Variants in CDH12 observed in about 807,000 individuals in gnomAD.
The protein encoded by CDH12 is cadherin-12.
A neutral mutation model predicts 74.1 loss-of-function variants in CDH12; 41 were observed. The ratio of observed to expected loss-of-function variants is 0.55; its 90% confidence interval spans 0.43 to 0.72. CDH12 has a LOEUF of 0.72. CDH12 is among the 30% of genes least tolerant of loss of function. The probability of loss-of-function intolerance (pLI) is 0.00; values close to 1 mark genes in which losing one functional copy is unlikely to be tolerated. For missense variants in CDH12, 945 were observed against 977.2 expected (o/e 0.97, Z 0.44); for synonymous variants, 399 against 355.0 (o/e 1.12, Z -1.39).
chr5:22,058,053 TTTTATTTA>T (rs560195415), intron 5 of CDH12, among the ~76,000 whole-genome samples: 2 of 150,350 alleles, frequency 1.3e-5, no homozygotes, highest in East Asian at 2.0e-4. Flanking sequence ...ATCATCTATC[TTTTATTTA>T]TTTATTTATT....
At chr5:22,801,326 A>G (rs1470415526) in intron 1 of CDH12, among the ~76,000 whole-genome samples, 2 of 152,086 alleles carry the variant, frequency 1.3e-5, no homozygotes, top group Admixed American at 6.6e-5. Flanking sequence ...CTGCAAGCCA[A>G]AGGTGTTACT....
intron 5 of CDH12, among the ~76,000 whole-genome samples, chr5:22,042,889 CAAAAAAAAA>C (rs1171549252): frequency 1.8e-5 from 1 of 56,066 alleles, no homozygotes; most frequent in Non-Finnish European, 4.2e-5. Context: ...GATTCTATCT[CAAAAAAAAA>C]AAAAAAAAAA....
chr5:22,825,842 A>T (rs1476134230), intron 1 of CDH12, among the ~76,000 whole-genome samples: 3 of 152,212 alleles, frequency 2.0e-5, no homozygotes, highest in Non-Finnish European at 2.9e-5. Context: ...AAAGGGCAGA[A>T]GGGAGAAATT....
chr5:22,084,997 C>T (rs1742971772), intron 4 of CDH12, among the ~76,000 whole-genome samples: 1 of 152,098 alleles, frequency 6.6e-6, no homozygotes, highest in Admixed American at 6.6e-5. Context: ...GACAGATTTG[C>T]TACAAAGGAC....
At chr5:22,574,073 CTT>C (rs543910610) in intron 1 of CDH12, among the ~76,000 whole-genome samples, 19 of 87,456 alleles carry the variant, frequency 2.2e-4, no homozygotes, top group African/African-American at 6.4e-4. Flanking sequence ...GTCTCTCTCT[CTT>C]TTTTTTTTTT....
intron 4 of CDH12, among the ~76,000 whole-genome samples, chr5:22,095,409 C>G (rs564986425): frequency 6.6e-6 from 1 of 152,220 alleles, no homozygotes; most frequent in Non-Finnish European, 1.5e-5. Flanking sequence ...GGCAGCCTTC[C>G]CTTGGTGTTT....
At chr5:21,995,914 TA>T (rs1736260235) in intron 5 of CDH12, among the ~76,000 whole-genome samples, 1 of 152,110 alleles carries the variant, frequency 6.6e-6, no homozygotes, top group South Asian at 2.1e-4. Flanking sequence ...GTGATCATGC[TA>T]TGCTTACAGA....
chr5:22,660,034 T>C (rs1474027922), intron 1 of CDH12, among the ~76,000 whole-genome samples: 2 of 152,116 alleles, frequency 1.3e-5, no homozygotes, highest in African/African-American at 4.8e-5. Flanking sequence ...AAAAAATGCA[T>C]TGGAGTTGAA....
chr5:22,691,707 C>T (rs1188930330), intron 1 of CDH12, among the ~76,000 whole-genome samples: 1 of 152,144 alleles, frequency 6.6e-6, no homozygotes, highest in Non-Finnish European at 1.5e-5. Context: ...TCCTACAAGG[C>T]AAAATGGAAG....
chr5:22,540,738 T>C, intron 1 of CDH12, among the ~76,000 whole-genome samples: 1 of 152,170 alleles, frequency 6.6e-6, no homozygotes, highest in African/African-American at 2.4e-5. Context: ...AGCCCCTGCA[T>C]CTGTTCACCC....
intron 3 of CDH12, among the ~76,000 whole-genome samples, chr5:22,326,948 T>A (rs1034041106): frequency 1.3e-5 from 2 of 152,220 alleles, no homozygotes; most frequent in African/African-American, 4.8e-5. Context: ...AGGCAAATTA[T>A]ATTGCTCAAG....
At chr5:21,758,916 T>C (rs549706816) in intron 13 of CDH12, among the ~76,000 whole-genome samples, 1 of 151,998 alleles carries the variant, frequency 6.6e-6, no homozygotes, top group East Asian at 1.9e-4. Context: ...GAGCTAAACT[T>C]TGGGAACACA....
chr5:22,579,848 C>T (rs1366444487), intron 1 of CDH12, among the ~76,000 whole-genome samples: 1 of 152,150 alleles, frequency 6.6e-6, no homozygotes, highest in African/African-American at 2.4e-5. Context: ...CATTAAAAAT[C>T]CTCAAAATAG....
chr5:22,480,952 T>C (rs1432168082), intron 2 of CDH12, among the ~76,000 whole-genome samples: 2 of 152,256 alleles, frequency 1.3e-5, no homozygotes, highest in South Asian at 2.1e-4. Context: ...ATTTATAACA[T>C]ATTTTCTTCT....
intron 5 of CDH12, among the ~76,000 whole-genome samples, chr5:22,006,086 C>T (rs1464494089): frequency 2.0e-5 from 3 of 152,196 alleles, no homozygotes; most frequent in Non-Finnish European, 2.9e-5. Context: ...TCTGTCTCCT[C>T]ATCTGGCCCT....
At chr5:21,979,838 T>C (rs1179241790) in intron 5 of CDH12, among the ~76,000 whole-genome samples, 2 of 152,022 alleles carry the variant, frequency 1.3e-5, no homozygotes, top group African/African-American at 4.8e-5. Context: ...TATTTCTAGT[T>C]CTAGATCCCT....
intron 1 of CDH12, among the ~76,000 whole-genome samples, chr5:22,696,479 G>A (rs1323751204): frequency 3.3e-5 from 5 of 150,940 alleles, no homozygotes; most frequent in Non-Finnish European, 4.4e-5. Flanking sequence ...TTCAATTTTT[G>A]TAAGGAATGG....
At position 22,039,799 on chromosome 5, in the gene CDH12, C is replaced by T. The variant is rs144702149; in HGVS notation, c.231+38647G>A. ...GAGTCACCATGCCCTTTCCAACCAG[C>T]ACACCAAGACTGATCTAAAAGTGAA... On this transcript the variant is annotated intron_variant, in intron 5 of 14. Coordinates refer to ENST00000382254, the MANE Select transcript of CDH12 (RefSeq NM_004061.5). Among the ~76,000 whole-genome samples the T allele has an allele frequency of 7.6e-3, 1,163 of 152,052 alleles. 13 individuals are homozygous for T. Among genetic ancestry groups the T allele is most frequent in the African/African-American group, 0.026 (1,091 of 41,508 alleles).
intron 4 of CDH12, among the ~76,000 whole-genome samples, chr5:22,147,406 T>C (rs1747258731): frequency 6.6e-6 from 1 of 152,120 alleles, no homozygotes; most frequent in Non-Finnish European, 1.5e-5. Flanking sequence ...TTGACAGAAG[T>C]CACATTTTCT....
Sources: allele counts gnomAD v4.1 joint callset (sites outside exome capture counted in the v4.1 genomes callset), GRCh38; gene constraint gnomAD v4.1.1; transcripts MANE v1.5; gene names NCBI Gene and HGNC (gene_info 2026-07-23, HGNC 2026-07-21).